Variants in SETD5 observed in about 807,000 individuals in gnomAD.
SETD5 encodes the protein SET domain containing 5, also known as histone-lysine N-methyltransferase SETD5.
In SETD5, 44 loss-of-function variants were observed where a neutral mutation model predicts 153.3. The observed-to-expected ratio is 0.29, with a 90% confidence interval of 0.23 to 0.37. The LOEUF (loss-of-function observed/expected upper bound fraction) is 0.37, where lower values mean the gene tolerates loss of function less well. Among genes scored for constraint, SETD5 ranks in the 10% least tolerant of loss-of-function variants. SETD5 has a pLI of 1.00. For synonymous variants in SETD5, 716 were observed against 645.2 expected, an observed-to-expected ratio of 1.11 and a Z score of -1.66; for missense variants, 1,544 against 1,768.0, an observed-to-expected ratio of 0.87 and a Z score of 2.27.
rs755109791 is a variant in SETD5, at chr3:9,447,178, G to A, written c.1653G>A (p.Glu551=). The A allele has an allele frequency of 6.2e-7, 1 of 1,614,024 alleles. No individual in the cohort carries two copies. Among genetic ancestry groups the A allele is most frequent in the South Asian group, 1.1e-5 (1 of 91,084 alleles). The change falls in exon 14 of 23, where the codon GAG becomes GAA. Residue 551 remains glutamate (E), a synonymous_variant. Transcript: ENST00000402198. ...TAGAGATTACTACAACCACCTCAGA[G>A]ACTCCTGTTGGTGAAGAGACAAAAA... ...SDVEITTTTS[E]TPVGEETKTE... is the part of the protein sequence containing the mutation.
rs772133788 is a variant in SETD5 at position 9,441,582 on chromosome 3, G to T, written c.811-11G>T. The T allele has an allele frequency of 6.2e-7, 1 of 1,613,666 alleles. No homozygotes were observed. The highest frequency in any genetic ancestry group is 1.1e-5 in the South Asian group (1 of 91,062). On this transcript the variant is annotated splice_polypyrimidine_tract_variant and intron_variant, in intron 8 of 22. Transcript: ENST00000402198. ...GCTGTTGTTTAATGTTATTGCTCTG[G>T]TTTTATTCAGTTACAGCTGGGAAGA... is the stretch of plus-strand genomic sequence containing the variant.
intron 6 of SETD5, among the ~76,000 whole-genome samples, chr3:9,435,243 C>CAAAAA (rs5846637): frequency 3.7e-5 from 3 of 80,160 alleles, no homozygotes; most frequent in Non-Finnish European, 5.4e-5. Context: ...AACTCCCTCT[C>CAAAAA]AAAAAAAAAA....
At chr3:9,427,086 A>G (rs926160918) in intron 2 of SETD5, among the ~76,000 whole-genome samples, 2 of 151,946 alleles carry the variant, frequency 1.3e-5, no homozygotes, top group African/African-American at 2.4e-5. Flanking sequence ...GGGTCTCACT[A>G]TGTTGTCTCA....
rs148948479 is a variant in SETD5 at position 9,434,222 on chromosome 3, G to A, written c.178-112G>A. ...TTCTTTCCATATGTACCATACTTTA[G>A]GGGAGAGAGGGGCCAGTGTTTGGAC... On this transcript the variant is annotated intron_variant, in intron 4 of 22. Transcript: ENST00000402198. This position sits in a 1 kb window ranked among gnomAD's most constrained non-coding sequence, Gnocchi z 5.6. 8,975 of 1,546,668 alleles carry A rather than the reference G, an allele frequency of 5.8e-3. 38 individuals are homozygous for A. Among genetic ancestry groups the A allele is most frequent in the Non-Finnish European group, 6.5e-3 (7,346 of 1,134,974 alleles).
At chr3:9,454,273 AATT>A (rs574326639) in intron 17 of SETD5, among the ~76,000 whole-genome samples, 362 of 152,182 alleles carry the variant, frequency 2.4e-3, no homozygotes, top group Non-Finnish European at 4.0e-3. Flanking sequence ...ATAAGTGAAA[AATT>A]ATTATCAATT....
rs567415895 is a variant in SETD5, at chr3:9,428,951, A to G, written c.13A>G (p.Ile5Val). Residue 5 changes from isoleucine (I) to valine (V), a missense_variant, in exon 3 of 23, where the codon ATC becomes GTC. This residue lies in a region of SETD5 where 251 missense variants were observed against 326.9 expected (regional missense o/e 0.77). Coordinates refer to ENST00000402198, the MANE Select transcript of SETD5 (RefSeq NM_001080517.3). ...TGTGTTGGACGTCATGAGCATTGCAATCCCTCTGGGAGTCACCACATCAGA... is the reference window on the plus strand; with the variant it reads ...TGTGTTGGACGTCATGAGCATTGCAGTCCCTCTGGGAGTCACCACATCAGA... Reference protein sequence around the residue: MSIAIPLGVTTSDTS... With the variant: MSIAVPLGVTTSDTS... 2.0e-5 allele frequency: 32 copies of G among 1,613,136 alleles called. No individual in the cohort carries two copies. The highest frequency in any genetic ancestry group is 8.9e-5 in the East Asian group (4 of 44,852).
At chr3:9,430,391 G>A in intron 3 of SETD5, 3 of 968,008 alleles carry the variant, frequency 3.1e-6, no homozygotes, top group Non-Finnish European at 3.7e-6. Flanking sequence ...TTGGGGGTGG[G>A]GAAGGGTTGA....
At chr3:9,472,223 A>G (rs1037332579) in intron 19 of SETD5, among the ~76,000 whole-genome samples, 25 of 152,244 alleles carry the variant, frequency 1.6e-4, no homozygotes, top group Non-Finnish European at 3.5e-4. Context: ...ACATTTAAGC[A>G]TAAATTTAAG....
chr3:9,436,408 A>G lies in SETD5; in HGVS notation c.567+502A>G, dbSNP rs572187424. On this transcript the variant is annotated intron_variant, in intron 7 of 22. Coordinates refer to ENST00000402198, the MANE Select transcript of SETD5 (RefSeq NM_001080517.3). ...TTCTCAGCTAAAATGTCTACGGGAG[A>G]AACTTCTTCTGGTTTGTGTTCTTTC... Among the ~76,000 whole-genome samples, 25 of 152,278 alleles carry G rather than the reference A, an allele frequency of 1.6e-4. No homozygotes were observed. In the East Asian group the frequency reaches 3.5e-3, roughly 21 times the overall value.
intron 3 of SETD5, chr3:9,429,726 T>C (rs2039751484): frequency 1.4e-6 from 1 of 734,436 alleles, no homozygotes; most frequent in Non-Finnish European, 1.9e-6. Flanking sequence ...TTTTTAGTCT[T>C]TTGTATCCCT....
chr3:9,433,427 G>T (rs1216123976), intron 3 of SETD5: 3 of 1,289,772 alleles, frequency 2.3e-6, no homozygotes, highest in Non-Finnish European at 3.0e-6. Context: ...AGTGCAGAAG[G>T]CACTTTGATC....
intron 17 of SETD5, among the ~76,000 whole-genome samples, chr3:9,463,095 C>T (rs1458599673): frequency 2.0e-5 from 3 of 152,200 alleles, no homozygotes; most frequent in Non-Finnish European, 4.4e-5. Context: ...TCTCAACTCG[C>T]TGCAACCTCT....
intron 7 of SETD5, 117 bp downstream of exon 7, chr3:9,436,023 T>G: frequency 3.3e-6 from 3 of 915,516 alleles, no homozygotes; most frequent in Non-Finnish European, 4.9e-6. Flanking sequence ...GGGCCACTTT[T>G]GTTCTACTTG....
At chr3:9,466,346 G>A (rs894272094) in intron 18 of SETD5, among the ~76,000 whole-genome samples, 8 of 151,608 alleles carry the variant, frequency 5.3e-5, no homozygotes, top group Non-Finnish European at 7.4e-5. Flanking sequence ...AAAACAAGCG[G>A]GTTCAGTACT....
rs916933123 is a variant in SETD5 at position 9,477,774 on chromosome 3, T to C, written c.*1683T>C. ...ACAAACCCATCAGTCTGGGAGAGCATTGGGAGTGGAAATCATGTTGCCTGG... is the reference window on the plus strand; with the variant it reads ...ACAAACCCATCAGTCTGGGAGAGCACTGGGAGTGGAAATCATGTTGCCTGG... On this transcript the variant is annotated 3_prime_UTR_variant, in exon 23 of 23. Coordinates refer to ENST00000402198, the MANE Select transcript of SETD5 (RefSeq NM_001080517.3). 1.3e-5 allele frequency: 2 copies of C among 152,078 alleles called. No individual in the cohort carries two copies. The highest frequency in any genetic ancestry group is 1.5e-5 in the Non-Finnish European group (1 of 67,952). The allele number at this position is 152,078 out of a possible 1,614,324, so 9.4% of individuals were successfully genotyped here. A position where few individuals can be genotyped will look rare whatever the true frequency, so the allele number is the denominator to read the frequency against.
chr3:9,474,963 G>A (rs996861001), intron 21 of SETD5, 105 bp from the exon 22 acceptor site: 1 of 981,520 alleles, frequency 1.0e-6, no homozygotes, highest in East Asian at 2.6e-5. Flanking sequence ...CACAAAGAGA[G>A]CAGTACGGGT....
intron 3 of SETD5, 164 bp from the exon 4 acceptor site, chr3:9,433,681 T>C: frequency 1.2e-6 from 1 of 859,784 alleles, no homozygotes; most frequent in Non-Finnish European, 1.7e-6. Flanking sequence ...CTACTGTTAT[T>C]TATAGGCTTA....
At position 9,447,938 on chromosome 3, in the gene SETD5, C is replaced by A. The variant is rs770625862; in HGVS notation, c.2035C>A (p.Pro679Thr). Residue 679 changes from proline to threonine, a missense_variant, in exon 15 of 23, where the codon CCA becomes ACA. Physicochemically the swap from Pro to Thr is conservative, Grantham distance 38 (BLOSUM62 -1). Transcript: ENST00000402198. Reference sequence around the variant, plus strand: ...AAACAGGCCATTAACAGGGTCTGACCCAACTGTGGTGTCAATTACTGGATC... The same window carrying A: ...AAACAGGCCATTAACAGGGTCTGACACAACTGTGGTGTCAATTACTGGATC... Reference protein sequence around the residue: ...GENRPLTGSDPTVVSITGSHV... With the variant: ...GENRPLTGSDTTVVSITGSHV... 1 of 1,613,900 alleles carries A rather than the reference C, an allele frequency of 6.2e-7. No homozygotes were observed. The highest frequency in any genetic ancestry group is 8.5e-7 in the Non-Finnish European group (1 of 1,179,846).
At chr3:9,426,209 GT>G (rs2039182061) in intron 2 of SETD5, 1 of 51,334 alleles carries the variant, frequency 1.9e-5, no homozygotes, top group African/African-American at 6.4e-5. Flanking sequence ...AAGTTCATCA[GT>G]CCCTTTTTTT....
Sources: gnomAD v4.1 joint callset for allele counts (sites outside exome capture counted in the v4.1 genomes callset) on GRCh38, gnomAD v4.1.1 for gene constraint, gnomAD v4.1.1 regional missense constraint, Gnocchi (gnomAD v3.1) non-coding constraint, MANE v1.5 for transcripts, NCBI Gene and HGNC (gene_info 2026-07-23, HGNC 2026-07-21) for gene names.